Variants in NAP1L1 observed in about 807,000 individuals in gnomAD.
NAP1L1 encodes nucleosome assembly protein 1-like 1.
In NAP1L1, 9 loss-of-function variants were observed where a neutral mutation model predicts 58.9. The ratio of observed to expected loss-of-function variants is 0.15; its 90% confidence interval spans 0.09 to 0.27. The LOEUF is 0.27. NAP1L1 is among the 10% of genes least tolerant of loss of function. The probability of loss-of-function intolerance (pLI) is 1.00; values close to 1 mark genes in which losing one functional copy is unlikely to be tolerated. For missense variants in NAP1L1, 302 were observed against 458.8 expected (o/e 0.66, Z 3.12); for synonymous variants, 130 against 138.3 (o/e 0.94, Z 0.42).
intron 11 of NAP1L1, among the ~76,000 whole-genome samples, chr12:76,051,436 T>C (rs553475713): frequency 6.6e-5 from 10 of 152,350 alleles, no homozygotes; most frequent in African/African-American, 2.4e-4. Flanking sequence ...GATCACTTTA[T>C]AGTTCCTAAA....
rs191750444 is a variant in NAP1L1 at position 76,072,231 on chromosome 12, A to G, written c.17+1972T>C. On this transcript the variant is annotated intron_variant, in intron 2 of 14. Coordinates refer to ENST00000618691, the MANE Select transcript of NAP1L1 (RefSeq NM_004537.7). ...AGAAAGAAAATGTAAGAGCAAATGGACTATAAAGATGGAAGAAACATCCAG... is the reference window on the plus strand; with the variant it reads ...AGAAAGAAAATGTAAGAGCAAATGGGCTATAAAGATGGAAGAAACATCCAG... Among the ~76,000 whole-genome samples, 18 of 150,958 alleles carry G rather than the reference A, an allele frequency of 1.2e-4. No homozygotes were observed. The East Asian group carries it at 3.5e-3, about 29-fold the overall frequency.
chr12:76,064,121 G>A (rs1448040190), intron 4 of NAP1L1, among the ~76,000 whole-genome samples: 1 of 152,042 alleles, frequency 6.6e-6, no homozygotes, highest in Admixed American at 6.6e-5. Context: ...CTCCAGAGTG[G>A]ATCACAGAGT....
intron 6 of NAP1L1, chr12:76,057,311 TG>T (rs571373770): frequency 6.4e-4 from 207 of 322,206 alleles, no homozygotes; most frequent in African/African-American, 4.3e-3. Flanking sequence ...AACTATAAAA[TG>T]TAAGGAAATA....
At chr12:76,076,834 G>A (rs1950200934) in intron 1 of NAP1L1, among the ~76,000 whole-genome samples, 1 of 151,754 alleles carries the variant, frequency 6.6e-6, no homozygotes, top group Non-Finnish European at 1.5e-5. Flanking sequence ...AGCCTACTAC[G>A]CACCTAGGCT....
Position 76,066,215 on chromosome 12 carries a change from C to A in NAP1L1, c.206+1156G>T, listed in dbSNP as rs561976698. Among the ~76,000 whole-genome samples, 7 of 151,626 alleles carry A rather than the reference C, an allele frequency of 4.6e-5. No homozygotes were observed. The East Asian group carries it at 9.7e-4, about 21-fold the overall frequency. On this transcript the variant is annotated intron_variant, in intron 4 of 14. Coordinates refer to ENST00000618691, the MANE Select transcript of NAP1L1 (RefSeq NM_004537.7). Reference sequence around the variant, plus strand: ...ACTGGAAGCCTACGTACAACTAATACAAAGGTAGACTCTAAAGGGATTTAA... The same window carrying A: ...ACTGGAAGCCTACGTACAACTAATAAAAAGGTAGACTCTAAAGGGATTTAA...
Position 76,049,004 on chromosome 12 carries a change from C to CA in NAP1L1, c.1140+195dup, listed in dbSNP as rs1292568265. 120 of 565,428 alleles carry CA rather than the reference C, an allele frequency of 2.1e-4. 4 individuals carry two copies. The South Asian group carries it at 2.3e-3, about 11-fold the overall frequency. The allele number at this position is 565,428 out of a possible 1,614,324, so 35.0% of individuals were successfully genotyped here. On this transcript the variant is annotated intron_variant, in intron 14 of 14. Coordinates refer to ENST00000618691, the MANE Select transcript of NAP1L1 (RefSeq NM_004537.7). ...AAAAGCACGAAGTCCAAACAAAAAA[C>CA]AATGTTTTTTAGAAAAACGTCCACT...
intron 4 of NAP1L1, among the ~76,000 whole-genome samples, chr12:76,064,543 T>A (rs532495883): frequency 6.6e-6 from 1 of 151,978 alleles, no homozygotes; most frequent in East Asian, 1.9e-4. Flanking sequence ...AGAGCAATCC[T>A]AAAAAAGAGA....
chr12:76,054,344 A>C (rs1318091119), intron 8 of NAP1L1, among the ~76,000 whole-genome samples: 2 of 152,174 alleles, frequency 1.3e-5, no homozygotes, highest in African/African-American at 4.8e-5. Context: ...AATATTTAAG[A>C]ATGGGACAGA....
chr12:76,049,703 G>C (rs1592606258), intron 13 of NAP1L1, 53 bp downstream of exon 13: 1 of 1,598,170 alleles, frequency 6.3e-7, no homozygotes, highest in Non-Finnish European at 8.6e-7. Flanking sequence ...CATTCAATTT[G>C]CTTCTCAATG....
intron 8 of NAP1L1, among the ~76,000 whole-genome samples, chr12:76,054,290 A>G (rs1948976117): frequency 6.6e-6 from 1 of 152,014 alleles, no homozygotes; most frequent in South Asian, 2.1e-4. Flanking sequence ...TCGGCCTCCC[A>G]AAGTGCTGGG....
intron 2 of NAP1L1, among the ~76,000 whole-genome samples, chr12:76,072,495 A>G (rs1950001689): frequency 6.6e-6 from 1 of 152,152 alleles, no homozygotes; most frequent in African/African-American, 2.4e-5. Context: ...TAGCTCCAGA[A>G]AGAGAAAACA....
At chr12:76,055,941 A>G (rs1357868182) in intron 7 of NAP1L1, 92 bp downstream of exon 7, 2 of 1,308,886 alleles carry the variant, frequency 1.5e-6, no homozygotes, top group Non-Finnish European at 2.1e-6. Context: ...CATTCTAGAA[A>G]GATCAACACT....
chr12:76,057,836 G>A (rs1012890682), intron 6 of NAP1L1: 21 of 1,530,982 alleles, frequency 1.4e-5, no homozygotes, highest in Middle Eastern at 3.3e-4. Context: ...AAGAGAGGTG[G>A]AAGGGGTCAA....
chr12:76,048,493 ATCT>A (rs753539747), intron 14 of NAP1L1, 29 bp from the exon 15 acceptor site: 23 of 1,612,498 alleles, frequency 1.4e-5, no homozygotes, highest in Middle Eastern at 1.7e-4. Flanking sequence ...AAGTCAATCT[ATCT>A]TCTTCTACCT....
rs934251959 is a variant in NAP1L1, at chr12:76,037,218, C to G, written c.*11211G>C. The G allele has an allele frequency of 2.6e-5, 4 of 152,188 alleles. No homozygotes were observed. The highest frequency in any genetic ancestry group is 2.6e-4 in the Admixed American group (4 of 15,280). The allele number at this position is 152,188 out of a possible 1,614,324, so 9.4% of individuals were successfully genotyped here. A position where few individuals can be genotyped will look rare whatever the true frequency, so the allele number is the denominator to read the frequency against. On this transcript the variant is annotated 3_prime_UTR_variant, in exon 15 of 15. Transcript: ENST00000618691. ...GAGTTGAAAACGTTAAGTATTAACA[C>G]AGAACTATCCAGACTTCTTAGGTGG...
intron 8 of NAP1L1, among the ~76,000 whole-genome samples, chr12:76,054,395 T>C (rs565577193): frequency 3.3e-5 from 5 of 152,322 alleles, no homozygotes; most frequent in Admixed American, 6.5e-5. Context: ...TCAAAAAAAT[T>C]ACGTTAAAAT....
chr12:76,050,443 G>C, intron 12 of NAP1L1, 88 bp downstream of exon 12: 8 of 1,458,128 alleles, frequency 5.5e-6, no homozygotes, highest in Non-Finnish European at 7.3e-6. Flanking sequence ...ATTATGTCCT[G>C]CTTCTTAAAA....
intron 6 of NAP1L1, among the ~76,000 whole-genome samples, chr12:76,058,307 A>G (rs1007127909): frequency 4.0e-5 from 6 of 150,982 alleles, no homozygotes; most frequent in Non-Finnish European, 7.4e-5. Flanking sequence ...TTTTATTGCC[A>G]AAGTCAAATA....
In NAP1L1 at chr12:76,043,466, A is replaced by T. The variant is rs1948570120; in HGVS notation, c.*4963T>A. 1 of 123,936 alleles carries T rather than the reference A, an allele frequency of 8.1e-6. No homozygotes were observed. Among genetic ancestry groups the T allele is most frequent in the Non-Finnish European group, 1.6e-5 (1 of 60,824 alleles). The allele number at this position is 123,936 out of a possible 1,614,324, so 7.7% of individuals were successfully genotyped here. A position where few individuals can be genotyped will look rare whatever the true frequency, so the allele number is the denominator to read the frequency against. ...CTCCAACCTGGGCAAATGAAGTAAG[A>T]CCCTGTCTCAGAAAAAAAAAAAAAA... is the stretch of plus-strand genomic sequence containing the variant. On this transcript the variant is annotated 3_prime_UTR_variant, in exon 15 of 15. Coordinates refer to ENST00000618691, the MANE Select transcript of NAP1L1 (RefSeq NM_004537.7).
Sources: allele counts gnomAD v4.1 joint callset (sites outside exome capture counted in the v4.1 genomes callset), GRCh38; gene constraint gnomAD v4.1.1; transcripts MANE v1.5; gene names NCBI Gene and HGNC (gene_info 2026-07-23, HGNC 2026-07-21).